PRKN: variants seen among roughly 807,000 people sequenced by gnomAD.
PRKN encodes the protein parkin RBR E3 ubiquitin protein ligase.
A neutral mutation model predicts 59.5 loss-of-function variants in PRKN; 56 were observed. The observed-to-expected ratio is 0.94, with a 90% CI of 0.76 to 1.18. PRKN has a LOEUF of 1.18. PRKN is among the 50% of genes most tolerant of loss of function. The pLI is 0.00. For synonymous variants in PRKN, 250 were observed against 222.1 expected, an observed-to-expected ratio of 1.13 and a Z score of -1.12; for missense variants, 657 against 596.4, an observed-to-expected ratio of 1.10 and a Z score of -1.06.
intron 7 of PRKN, among the ~76,000 whole-genome samples, chr6:161,620,092 C>T (rs554169809): frequency 9.1e-5 from 13 of 142,298 alleles, no homozygotes; most frequent in African/African-American, 2.4e-4. Context: ...TGAATTTGAA[C>T]GATTCTCCTG....
intron 4 of PRKN, among the ~76,000 whole-genome samples, chr6:162,071,688 C>A (rs1778581671): frequency 1.3e-5 from 2 of 151,792 alleles, no homozygotes; most frequent in African/African-American, 4.8e-5. Flanking sequence ...CCTCTGCCTG[C>A]CGGGTTCAAG....
chr6:162,597,996 T>A (rs1040027524), intron 1 of PRKN, among the ~76,000 whole-genome samples: 1 of 152,230 alleles, frequency 6.6e-6, no homozygotes, highest in African/African-American at 2.4e-5. Context: ...AGTTTTTATC[T>A]GAATTAAAAT....
At chr6:161,785,428 A>AT (rs773054910) in intron 7 of PRKN, among the ~76,000 whole-genome samples, 25 of 152,204 alleles carry the variant, frequency 1.6e-4, no homozygotes, top group African/African-American at 2.2e-4. Context: ...GAGGTATACG[A>AT]TTTAAAAATT....
chr6:161,364,180 A>G (rs1785095973), intron 10 of PRKN, among the ~76,000 whole-genome samples: 1 of 148,802 alleles, frequency 6.7e-6, no homozygotes, highest in Non-Finnish European at 1.5e-5. Flanking sequence ...AAAAAAAAAA[A>G]AAAAAAAGAA....
intron 2 of PRKN, among the ~76,000 whole-genome samples, chr6:162,295,438 G>A (rs1781627424): frequency 6.6e-6 from 1 of 152,140 alleles, no homozygotes; most frequent in Non-Finnish European, 1.5e-5. Context: ...CACAGGCCCT[G>A]TGGTCTGATA....
At chr6:161,666,842 G>A (rs536022258) in intron 7 of PRKN, among the ~76,000 whole-genome samples, 9 of 152,240 alleles carry the variant, frequency 5.9e-5, no homozygotes, top group African/African-American at 1.9e-4. Flanking sequence ...AATGGCCAGG[G>A]AGTTTTGCTG....
intron 2 of PRKN, among the ~76,000 whole-genome samples, chr6:162,311,771 T>G (rs1782529439): frequency 6.6e-6 from 1 of 152,122 alleles, no homozygotes; most frequent in Non-Finnish European, 1.5e-5. Flanking sequence ...AGGGAGGGTC[T>G]GTTCTCTCCT....
At chr6:161,896,285 G>A (rs1777623677) in intron 6 of PRKN, among the ~76,000 whole-genome samples, 1 of 152,208 alleles carries the variant, frequency 6.6e-6, no homozygotes, top group African/African-American at 2.4e-5. Flanking sequence ...GACAGTGGAA[G>A]TGCTGCTCTG....
At chr6:161,996,032 T>A (rs1781827821) in intron 5 of PRKN, among the ~76,000 whole-genome samples, 1 of 152,092 alleles carries the variant, frequency 6.6e-6, no homozygotes, top group Admixed American at 6.5e-5. Context: ...AATAATCCCA[T>A]GACTAGGTAT....
At chr6:162,473,965 A>G (rs567595730) in intron 1 of PRKN, among the ~76,000 whole-genome samples, 1 of 152,354 alleles carries the variant, frequency 6.6e-6, no homozygotes, top group South Asian at 2.1e-4. Flanking sequence ...ATTTCCCACC[A>G]GCTTTCCGGT....
At chr6:162,396,353 G>A (rs1787474878) in intron 2 of PRKN, among the ~76,000 whole-genome samples, 1 of 152,138 alleles carries the variant, frequency 6.6e-6, no homozygotes, top group Admixed American at 6.5e-5. Flanking sequence ...CCTCCTTGCT[G>A]CCCCACCACA....
Position 161,579,236 on chromosome 6 carries a change from T to C in PRKN, c.872-9820A>G, listed in dbSNP as rs373833000. On this transcript the variant is annotated intron_variant, in intron 7 of 11. Coordinates refer to ENST00000366898, the MANE Select transcript of PRKN (RefSeq NM_004562.3). The surrounding 1 kb of genome is among the most constrained non-coding windows in gnomAD (Gnocchi z 4.2). ...GGTTACCTGAGTGAAAATGTCAATG[T>C]CTAGTTAACGTTGGGGGAAAGAGAA... is the stretch of plus-strand genomic sequence containing the variant. Among the ~76,000 whole-genome samples the C allele has an allele frequency of 6.6e-6, 1 of 152,200 alleles. No homozygotes were observed. The highest frequency in any genetic ancestry group is 2.4e-5 in the African/African-American group (1 of 41,444).
chr6:161,791,604 A>C (rs919744146), intron 6 of PRKN, among the ~76,000 whole-genome samples: 1 of 152,206 alleles, frequency 6.6e-6, no homozygotes. Flanking sequence ...ATGAAATGTG[A>C]CATATATCGA....
At chr6:161,684,493 A>G (rs542509793) in intron 7 of PRKN, among the ~76,000 whole-genome samples, 17 of 152,326 alleles carry the variant, frequency 1.1e-4, no homozygotes, top group African/African-American at 4.1e-4. Flanking sequence ...GTCACATGAT[A>G]GAAGTGAAGA....
chr6:162,502,976 C>T (rs1048764630), intron 1 of PRKN, among the ~76,000 whole-genome samples: 3 of 151,610 alleles, frequency 2.0e-5, no homozygotes, highest in Admixed American at 6.6e-5. Context: ...GAAATAGTTT[C>T]GTATATTATC....
intron 6 of PRKN, among the ~76,000 whole-genome samples, chr6:161,845,941 C>T (rs936882672): frequency 2.6e-5 from 4 of 152,166 alleles, no homozygotes; most frequent in Non-Finnish European, 5.9e-5. Flanking sequence ...GTGCCAACTC[C>T]ATTTTAGGTT....
chr6:162,040,389 G>A (rs1784018865), intron 5 of PRKN, among the ~76,000 whole-genome samples: 1 of 151,786 alleles, frequency 6.6e-6, no homozygotes, highest in Non-Finnish European at 1.5e-5. Flanking sequence ...GGTCTGTGGG[G>A]AGGGAAATTA....
intron 2 of PRKN, among the ~76,000 whole-genome samples, chr6:162,351,304 T>C (rs755563285): frequency 2.6e-5 from 4 of 152,148 alleles, no homozygotes; most frequent in Non-Finnish European, 2.9e-5. Flanking sequence ...AGAAGACATA[T>C]AGATGGCAAA....
chr6:162,240,459 T>C (rs937146805), intron 3 of PRKN, among the ~76,000 whole-genome samples: 9 of 152,184 alleles, frequency 5.9e-5, no homozygotes, highest in East Asian at 3.9e-4. Context: ...TAACGAAAAA[T>C]TGCTATGTGT....
Sources: gnomAD v4.1 joint callset for allele counts (sites outside exome capture counted in the v4.1 genomes callset) on GRCh38, gnomAD v4.1.1 for gene constraint, Gnocchi (gnomAD v3.1) non-coding constraint, MANE v1.5 for transcripts, NCBI Gene and HGNC (gene_info 2026-07-23, HGNC 2026-07-21) for gene names.